DAB1: variants seen among roughly 807,000 people sequenced by gnomAD.
DAB1 encodes DAB adaptor protein 1.
Under a neutral mutation model 64.6 loss-of-function variants are expected in DAB1, and 15 were observed. The ratio of observed to expected loss-of-function variants is 0.23; its 90% CI spans 0.16 to 0.36. The LOEUF (loss-of-function observed/expected upper bound fraction) is 0.36. Ranked by LOEUF, DAB1 falls within the 10% of genes least tolerant of loss-of-function variation. The probability of loss-of-function intolerance (pLI) is 1.00; values close to 1 mark genes in which losing one functional copy is unlikely to be tolerated. For missense variants in DAB1, 596 were observed against 706.7 expected (o/e 0.84, Z 1.78); for synonymous variants, 235 against 251.9 (o/e 0.93, Z 0.64).
At chr1:57,443,491 A>T (rs1320649177) in intron 7 of DAB1, among the ~76,000 whole-genome samples, 3 of 152,068 alleles carry the variant, frequency 2.0e-5, no homozygotes, top group Admixed American at 1.3e-4. Context: ...GACCTTCCTT[A>T]CTACTTTACC....
chr1:57,995,086 T>C (rs1489639625), intron 5 of DAB1, among the ~76,000 whole-genome samples: 1 of 152,146 alleles, frequency 6.6e-6, no homozygotes, highest in Non-Finnish European at 1.5e-5. Flanking sequence ...ACCACCCCTC[T>C]CTGGGCCTCA....
chr1:57,452,438 G>T (rs983123725), intron 7 of DAB1, among the ~76,000 whole-genome samples: 2 of 151,936 alleles, frequency 1.3e-5, no homozygotes, highest in African/African-American at 2.4e-5. Flanking sequence ...TTTTTTTCCA[G>T]GACAGACAAG....
At chr1:57,391,265 C>T (rs1309165723) in intron 1 of DAB1, among the ~76,000 whole-genome samples, 1 of 152,160 alleles carries the variant, frequency 6.6e-6, no homozygotes, top group African/African-American at 2.4e-5. Context: ...ATATAATAAA[C>T]ACACTCAAAG....
At chr1:58,437,709 G>C (rs1644960434) in intron 3 of DAB1, among the ~76,000 whole-genome samples, 1 of 152,224 alleles carries the variant, frequency 6.6e-6, no homozygotes, top group South Asian at 2.1e-4. Context: ...GTAAGTATTT[G>C]TGGGGGATAT....
At chr1:57,386,601 T>C (rs2100987497) in intron 1 of DAB1, 1 of 152,202 alleles carries the variant, frequency 6.6e-6, no homozygotes, top group East Asian at 1.9e-4. Context: ...ACTTTGCAGA[T>C]GAACAAACTG....
chr1:58,544,663 C>T (rs939873919), intron 1 of DAB1, among the ~76,000 whole-genome samples: 1 of 152,150 alleles, frequency 6.6e-6, no homozygotes, highest in Non-Finnish European at 1.5e-5. Flanking sequence ...GGTGCCACCT[C>T]GGCTCACTGC....
At chr1:57,338,122 C>G (rs1677250703) in intron 1 of DAB1, among the ~76,000 whole-genome samples, 1 of 152,026 alleles carries the variant, frequency 6.6e-6, no homozygotes, top group Non-Finnish European at 1.5e-5. Flanking sequence ...GTAGCTGGGA[C>G]TATAGGCACA....
chr1:57,331,694 T>C (rs1467312276), intron 1 of DAB1, among the ~76,000 whole-genome samples: 1 of 152,220 alleles, frequency 6.6e-6, no homozygotes, highest in Non-Finnish European at 1.5e-5. Flanking sequence ...TGAGAAAGGC[T>C]TTCTTCCTTT....
At chr1:57,105,302 G>GA (rs950251750) in intron 4 of DAB1, among the ~76,000 whole-genome samples, 7 of 149,576 alleles carry the variant, frequency 4.7e-5, no homozygotes, top group South Asian at 2.1e-4. Flanking sequence ...TGGAGCAAAT[G>GA]AAAAAAAAAT....
intron 7 of DAB1, among the ~76,000 whole-genome samples, chr1:57,580,421 T>A (rs1056738198): frequency 2.6e-5 from 4 of 152,132 alleles, no homozygotes; most frequent in Admixed American, 6.5e-5. Flanking sequence ...ACACCTGTCC[T>A]CCTGCAGCTT....
At chr1:58,530,401 T>C (rs964086212) in intron 1 of DAB1, among the ~76,000 whole-genome samples, 3 of 152,188 alleles carry the variant, frequency 2.0e-5, no homozygotes, top group African/African-American at 7.2e-5. Context: ...TACCCATCAT[T>C]TGAGAGATGT....
chr1:58,038,043 C>T (rs962508840), intron 5 of DAB1, among the ~76,000 whole-genome samples: 7 of 152,076 alleles, frequency 4.6e-5, no homozygotes, highest in Non-Finnish European at 8.8e-5. Context: ...TTAGCCTACC[C>T]TAACTAATAC....
Position 57,021,187 on chromosome 1 carries a change from G to A in DAB1, c.895+2344C>T, listed in dbSNP as rs374128120. On this transcript the variant is annotated intron_variant, in intron 11 of 14. Coordinates refer to ENST00000371236, the MANE Select transcript of DAB1 (RefSeq NM_001365792.1). Reference sequence around the variant, plus strand: ...GTGTTCTAAAAGTTGAAATCTTGGAGGTAATCTATCAAAATTTTAGCAGCT... The same window carrying A: ...GTGTTCTAAAAGTTGAAATCTTGGAAGTAATCTATCAAAATTTTAGCAGCT... Among the ~76,000 whole-genome samples the A allele has an allele frequency of 2.6e-5, 4 of 152,186 alleles. No homozygotes were observed. The East Asian group carries it at 5.8e-4, about 22-fold the overall frequency.
At chr1:58,231,239 A>T (rs752612100) in intron 4 of DAB1, among the ~76,000 whole-genome samples, 3 of 152,238 alleles carry the variant, frequency 2.0e-5, no homozygotes, top group Non-Finnish European at 4.4e-5. Context: ...TGGTAGAGCT[A>T]GAAATGAAAC....
chr1:58,410,169 T>C (rs912229988), intron 3 of DAB1, among the ~76,000 whole-genome samples: 1 of 152,236 alleles, frequency 6.6e-6, no homozygotes, highest in African/African-American at 2.4e-5. Flanking sequence ...TGCTGGGCTC[T>C]GGGCCCACCC....
chr1:58,228,776 A>G (rs1659629095), intron 4 of DAB1: 2 of 843,060 alleles, frequency 2.4e-6, no homozygotes, highest in South Asian at 2.6e-5. Context: ...TTATGCAAAC[A>G]AGACAGAAAT....
intron 3 of DAB1, among the ~76,000 whole-genome samples, chr1:58,457,786 GA>G (rs1403883583): frequency 1.3e-5 from 2 of 152,244 alleles, no homozygotes; most frequent in East Asian, 3.9e-4. Flanking sequence ...CCAGTCACCT[GA>G]AATCTAGTCT....
chr1:57,869,128 C>G (rs572029655), intron 1 of DAB1, among the ~76,000 whole-genome samples: 19 of 152,200 alleles, frequency 1.2e-4, no homozygotes, highest in Middle Eastern at 3.4e-3. Flanking sequence ...ATTGGAATTA[C>G]AGTTCCATCC....
At chr1:58,374,976 CTGTT>C (rs1419262763) in intron 3 of DAB1, among the ~76,000 whole-genome samples, 17 of 137,704 alleles carry the variant, frequency 1.2e-4, no homozygotes, top group Admixed American at 7.3e-4. Flanking sequence ...ATTTGGCTCT[CTGTT>C]TGTCTGTTGT....
Sources: allele counts gnomAD v4.1 joint callset (sites outside exome capture counted in the v4.1 genomes callset), GRCh38; gene constraint gnomAD v4.1.1; transcripts MANE v1.5; gene names NCBI Gene and HGNC (gene_info 2026-07-23, HGNC 2026-07-21).